The following ATF7IP2 variants were observed in gnomAD, a reference collection of about 807,000 sequenced individuals.
The protein encoded by ATF7IP2 is activating transcription factor 7 interacting protein 2.
Under a neutral mutation model 64.2 loss-of-function variants are expected in ATF7IP2, and 42 were observed. That is an observed-to-expected ratio of 0.65 (90% confidence interval 0.51 to 0.85). The LOEUF (loss-of-function observed/expected upper bound fraction) is 0.85, where lower values mean the gene tolerates loss of function less well. Ranked by LOEUF, ATF7IP2 falls within the 40% of genes least tolerant of loss-of-function variation. The pLI is 0.00. For missense variants in ATF7IP2, 933 were observed against 784.2 expected, an observed-to-expected ratio of 1.19 and a Z score of -2.27; for synonymous variants, 308 against 272.8, an observed-to-expected ratio of 1.13 and a Z score of -1.27.
chr16:10,464,855 G>A (rs1304465182), intron 9 of ATF7IP2, among the ~76,000 whole-genome samples: 1 of 152,196 alleles, frequency 6.6e-6, no homozygotes, highest in African/African-American at 2.4e-5. Context: ...GGAAGACGGA[G>A]TTTCGCTCTT....
At chr16:10,427,396 G>C (rs2048106245) in intron 3 of ATF7IP2, among the ~76,000 whole-genome samples, 1 of 152,202 alleles carries the variant, frequency 6.6e-6, no homozygotes, top group Non-Finnish European at 1.5e-5. Flanking sequence ...ATGTGGCTCA[G>C]TGGTAACTCT....
chr16:10,477,061 G>A (rs192980704), intron 12 of ATF7IP2, among the ~76,000 whole-genome samples: 24 of 152,112 alleles, frequency 1.6e-4, no homozygotes, highest in Non-Finnish European at 2.4e-4. Flanking sequence ...TGATGAAATC[G>A]CCAAAACCAA....
intron 6 of ATF7IP2, among the ~76,000 whole-genome samples, chr16:10,434,307 G>C (rs1369519687): frequency 6.6e-6 from 1 of 152,152 alleles, no homozygotes; most frequent in African/African-American, 2.4e-5. Flanking sequence ...GTTATACTGA[G>C]GACGGGTTTT....
Position 10,430,959 on chromosome 16 carries a change from T to C in ATF7IP2, c.339T>C (p.Val113=). 6.2e-7 allele frequency: 1 copy of C among 1,614,144 alleles called. No individual in the cohort carries two copies. Among genetic ancestry groups the C allele is most frequent in the East Asian group, 2.2e-5 (1 of 44,892 alleles). ...CAGAAACAAAATTGGAACAAGTTGT[T>C]TGTTCGTACCAAAAGCCAAGTAGAA... ...VHSETKLEQV[V]CSYQKPSRTT... The change falls in exon 5 of 14, where the codon GTT becomes GTC. Residue 113 remains valine (V), a synonymous_variant. Transcript: ENST00000562102.
intron 4 of ATF7IP2, among the ~76,000 whole-genome samples, chr16:10,429,826 T>C (rs1337136417): frequency 6.7e-6 from 1 of 149,016 alleles, no homozygotes; most frequent in Non-Finnish European, 1.5e-5. Flanking sequence ...ATTTTATTTT[T>C]ATTTTGTTTT....
intron 6 of ATF7IP2, among the ~76,000 whole-genome samples, chr16:10,437,786 G>A (rs994178391): frequency 6.6e-6 from 1 of 152,056 alleles, no homozygotes; most frequent in South Asian, 2.1e-4. Context: ...AATATAAATG[G>A]CATATAGTCT....
chr16:10,452,196 G>A (rs1403668324), intron 8 of ATF7IP2, among the ~76,000 whole-genome samples: 2 of 152,212 alleles, frequency 1.3e-5, no homozygotes, highest in Non-Finnish European at 2.9e-5. Context: ...GAGGAGAAGA[G>A]GCGTTCTTGT....
chr16:10,449,125 G>A (rs1440554274), intron 8 of ATF7IP2: 2 of 152,136 alleles, frequency 1.3e-5, no homozygotes, highest in African/African-American at 4.8e-5. Context: ...ATTGATTTGT[G>A]TATGTTGAAC....
intron 2 of ATF7IP2, among the ~76,000 whole-genome samples, chr16:10,415,928 C>G (rs1209590540): frequency 6.6e-6 from 1 of 152,132 alleles, no homozygotes; most frequent in African/African-American, 2.4e-5. Flanking sequence ...TAAAATAGCT[C>G]TTATTCAAAA....
At chr16:10,396,289 G>C (rs557267021) in intron 1 of ATF7IP2, among the ~76,000 whole-genome samples, 1 of 152,262 alleles carries the variant, frequency 6.6e-6, no homozygotes, top group South Asian at 2.1e-4. Context: ...CCCCTGATCA[G>C]ATGTATGGTT....
At chr16:10,461,645 A>G (rs1185624234) in intron 9 of ATF7IP2, among the ~76,000 whole-genome samples, 1 of 152,134 alleles carries the variant, frequency 6.6e-6, no homozygotes, top group Non-Finnish European at 1.5e-5. Context: ...AACAAAGTGC[A>G]TGATTCAGGG....
At chr16:10,388,069 T>A (rs899053063) in intron 1 of ATF7IP2, among the ~76,000 whole-genome samples, 3 of 151,996 alleles carry the variant, frequency 2.0e-5, no homozygotes, top group African/African-American at 7.2e-5. Context: ...TTTTGTATTT[T>A]TAGTAGAGAT....
rs2050244714 is a variant in ATF7IP2 at position 10,481,896 on chromosome 16, T to C, written c.1696T>C (p.Leu566=). 6.2e-7 allele frequency: 1 copy of C among 1,613,192 alleles called. No individual in the cohort carries two copies. Among genetic ancestry groups the C allele is most frequent in the Admixed American group, 1.7e-5 (1 of 59,748 alleles). The change falls in exon 14 of 14, where the codon TTA becomes CTA. Residue 566 remains leucine, a synonymous_variant. Transcript: ENST00000562102. ...LPEPPAPLPE[L]VDKTRDTLPP... is the part of the protein sequence containing the mutation. Reference sequence around the variant, plus strand: ...AGAACCACCAGCACCACTACCTGAATTAGTAGACAAAACCCGAGACACACT... The same window carrying C: ...AGAACCACCAGCACCACTACCTGAACTAGTAGACAAAACCCGAGACACACT...
At chr16:10,398,472 A>G (rs1338546296) in intron 1 of ATF7IP2, among the ~76,000 whole-genome samples, 7 of 152,210 alleles carry the variant, frequency 4.6e-5, no homozygotes, top group Non-Finnish European at 1.0e-4. Context: ...ATATATATCT[A>G]AAGGATATTA....
At chr16:10,452,679 G>A (rs994995808) in intron 8 of ATF7IP2, among the ~76,000 whole-genome samples, 1 of 152,190 alleles carries the variant, frequency 6.6e-6, no homozygotes, top group Admixed American at 6.5e-5. Context: ...GTCCTGTCCG[G>A]CAGGGACATT....
At chr16:10,444,807 C>T (rs149387778) in intron 8 of ATF7IP2, among the ~76,000 whole-genome samples, 2 of 152,260 alleles carry the variant, frequency 1.3e-5, no homozygotes, top group Admixed American at 6.5e-5. Flanking sequence ...TGCACTGAAA[C>T]GAGTTCCATT....
chr16:10,399,884 G>A (rs1346789513), intron 1 of ATF7IP2, among the ~76,000 whole-genome samples: 2 of 152,200 alleles, frequency 1.3e-5, no homozygotes, highest in South Asian at 4.2e-4. Context: ...AGTTTTTCTT[G>A]TATAGGAGGT....
rs181945290 is a variant in ATF7IP2 at position 10,393,350 on chromosome 16, T to C, written c.-242+7228T>C. Among the ~76,000 whole-genome samples the C allele has an allele frequency of 2.8e-5, 4 of 142,098 alleles. No individual in the cohort carries two copies. The Admixed American group carries it at 2.8e-4, about 10-fold the overall frequency. The allele number at this position is 142,098 out of a possible 152,430, so 93.2% of individuals were successfully genotyped here. ...AAAAAAAAAAAAAAAAAAGACACCA[T>C]TGGAAAAATCCTATGGCAGTAAAGG... On this transcript the variant is annotated intron_variant, in intron 1 of 13. Transcript: ENST00000562102.
At chr16:10,418,724 T>A (rs1413257341) in intron 2 of ATF7IP2, among the ~76,000 whole-genome samples, 3 of 152,332 alleles carry the variant, frequency 2.0e-5, no homozygotes, top group Non-Finnish European at 4.4e-5. Flanking sequence ...GTTTGTAGAG[T>A]GCCCTTCTAG....
Sources: gnomAD v4.1 joint callset for allele counts (sites outside exome capture counted in the v4.1 genomes callset) on GRCh38, gnomAD v4.1.1 for gene constraint, MANE v1.5 for transcripts, NCBI Gene and HGNC (gene_info 2026-07-23, HGNC 2026-07-21) for gene names.